Variants in TBC1D30 observed in about 807,000 individuals in gnomAD.
TBC1D30 encodes the protein TBC1 domain family, member 30.
Under a neutral mutation model 63.2 loss-of-function variants are expected in TBC1D30, and 31 were observed. The observed-to-expected ratio is 0.49, with a 90% CI of 0.37 to 0.66. The LOEUF is 0.66. Among genes scored for constraint, TBC1D30 ranks in the 30% least tolerant of loss-of-function variants. TBC1D30 has a pLI of 0.00. For synonymous variants in TBC1D30, 307 were observed against 361.5 expected (o/e 0.85, Z 1.71); for missense variants, 810 against 953.6 (o/e 0.85, Z 1.98).
chr12:64,799,977 G>T (rs986788283), intron 2 of TBC1D30, among the ~76,000 whole-genome samples: 15 of 152,270 alleles, frequency 9.9e-5, no homozygotes, highest in African/African-American at 3.4e-4. Flanking sequence ...GTAGTGGCAG[G>T]TGCCTGTAAT....
intron 1 of TBC1D30, among the ~76,000 whole-genome samples, chr12:64,826,703 A>T (rs561778443): frequency 6.6e-5 from 10 of 152,262 alleles, no homozygotes; most frequent in African/African-American, 2.2e-4. Flanking sequence ...CTATCCAGGC[A>T]GAGTATGGTT....
At chr12:64,767,489 G>A (rs1870753729) in intron 1 of TBC1D30, among the ~76,000 whole-genome samples, 1 of 152,082 alleles carries the variant, frequency 6.6e-6, no homozygotes, top group Non-Finnish European at 1.5e-5. Flanking sequence ...CACCGATTTG[G>A]TGAATGCATT....
intron 5 of TBC1D30, among the ~76,000 whole-genome samples, chr12:64,832,610 A>G (rs930379842): frequency 6.6e-6 from 1 of 152,256 alleles, no homozygotes; most frequent in African/African-American, 2.4e-5. Context: ...TAAAACAGCA[A>G]ATGTATTATC....
In TBC1D30 at chr12:64,860,059, A is replaced by G. The variant is rs575399286; in HGVS notation, c.1039-4609A>G. 1.5e-4 allele frequency among the ~76,000 whole-genome samples: 23 copies of G among 148,734 alleles called. No homozygotes were observed. The South Asian group carries it at 2.5e-3, about 16-fold the overall frequency. ...TTAAAACATGGTCTCACTTTGTCAC[A>G]TAGACTGGAGTGCAGTGGCATGAAC... On this transcript the variant is annotated intron_variant, in intron 8 of 11. Transcript: ENST00000539867.
At chr12:64,867,608 A>G (rs555605588) in intron 10 of TBC1D30, among the ~76,000 whole-genome samples, 1 of 152,256 alleles carries the variant, frequency 6.6e-6, no homozygotes, top group Admixed American at 6.5e-5. Context: ...ATTGGATTCA[A>G]CTTTGTATGC....
intron 2 of TBC1D30, among the ~76,000 whole-genome samples, 189 bp from the exon 3 acceptor site, chr12:64,828,255 C>A (rs1296852422): frequency 1.3e-5 from 2 of 152,146 alleles, no homozygotes; most frequent in African/African-American, 4.8e-5. Flanking sequence ...TAAGGGTGCC[C>A]AAGGGGTGGG....
chr12:64,846,039 AT>A (rs1322720180), intron 8 of TBC1D30, among the ~76,000 whole-genome samples: 2 of 151,854 alleles, frequency 1.3e-5, no homozygotes, highest in African/African-American at 4.8e-5. Context: ...TCTTTTGCCC[AT>A]TTTTAATCGA....
chr12:64,826,063 T>C (rs76619949), intron 1 of TBC1D30, among the ~76,000 whole-genome samples: 5,451 of 152,096 alleles, frequency 0.036, 321 homozygotes, highest in African/African-American at 0.12. Context: ...CCATCTTCCT[T>C]TACCTCTTTT....
chr12:64,854,251 G>A (rs760573988), intron 8 of TBC1D30, among the ~76,000 whole-genome samples: 1 of 151,780 alleles, frequency 6.6e-6, no homozygotes, highest in Non-Finnish European at 1.5e-5. Flanking sequence ...TGTATTGTAT[G>A]TTTTTTGATT....
intron 8 of TBC1D30, among the ~76,000 whole-genome samples, chr12:64,845,466 C>A (rs1876280821): frequency 6.6e-6 from 1 of 152,256 alleles, no homozygotes; most frequent in Admixed American, 6.5e-5. Context: ...GTGGCTCATG[C>A]CTGTAATCCC....
intron 11 of TBC1D30, among the ~76,000 whole-genome samples, chr12:64,874,236 C>A (rs751545920): frequency 3.9e-5 from 6 of 152,152 alleles, no homozygotes; most frequent in Non-Finnish European, 8.8e-5. Context: ...TACAGGCATG[C>A]ACCATCACAC....
chr12:64,765,437 C>T (rs1006193370), intron 1 of TBC1D30, among the ~76,000 whole-genome samples: 9 of 120,930 alleles, frequency 7.4e-5, no homozygotes, highest in Middle Eastern at 6.2e-3. Flanking sequence ...TGAAGTGAGC[C>T]GAGATTGCGC....
intron 1 of TBC1D30, among the ~76,000 whole-genome samples, chr12:64,765,619 A>G (rs1870684588): frequency 6.6e-6 from 1 of 151,680 alleles, no homozygotes; most frequent in South Asian, 2.1e-4. Context: ...GAAGAAGTTA[A>G]TAGATTAATG....
chr12:64,799,235 G>GT (rs1387472767), intron 2 of TBC1D30, among the ~76,000 whole-genome samples: 1 of 152,104 alleles, frequency 6.6e-6, no homozygotes, highest in Non-Finnish European at 1.5e-5. Flanking sequence ...TCAGATCCCA[G>GT]TTTTGCCACT....
intron 2 of TBC1D30, among the ~76,000 whole-genome samples, chr12:64,801,417 A>G (rs1359766027): frequency 2.0e-5 from 3 of 152,242 alleles, no homozygotes; most frequent in Non-Finnish European, 2.9e-5. Context: ...GAACAACAGT[A>G]CATATTTATA....
At chr12:64,792,145 A>G (rs1871961246) in intron 2 of TBC1D30, among the ~76,000 whole-genome samples, 2 of 152,216 alleles carry the variant, frequency 1.3e-5, no homozygotes, top group African/African-American at 4.8e-5. Context: ...TAAACAAGAG[A>G]ATGTAATACA....
At position 64,832,097 on chromosome 12, in the gene TBC1D30, ATAT is replaced by A. The variant is rs938250403; in HGVS notation, c.409-20_409-18del. ...AGAATATTAGGAGTTATTTTTGAAA[ATAT>A]TGTTTCCCTTCCATTTAGGACCTTC... is the stretch of plus-strand genomic sequence containing the variant. On this transcript the variant is annotated intron_variant, in intron 4 of 11. Transcript: ENST00000539867. 8 of 1,496,586 alleles carry A rather than the reference ATAT, an allele frequency of 5.3e-6. No individual in the cohort carries two copies. The highest frequency in any genetic ancestry group is 4.3e-5 in the Admixed American group (2 of 46,756). 92.7% of individuals were successfully genotyped at this position (1,496,586 alleles called of 1,614,324 possible).
intron 2 of TBC1D30, among the ~76,000 whole-genome samples, chr12:64,794,725 C>CAA (rs1872148572): frequency 6.6e-6 from 1 of 152,198 alleles, no homozygotes; most frequent in Admixed American, 6.5e-5. Flanking sequence ...AGGTGTGAGC[C>CAA]ACTGCACCTG....
chr12:64,798,843 C>T (rs10878209), intron 2 of TBC1D30, among the ~76,000 whole-genome samples: 79,724 of 139,866 alleles, frequency 0.57, 23,286 homozygotes, highest in East Asian at 0.9. Context: ...GACGGAGTCT[C>T]GCTCTGTCAC....
Sources: allele counts gnomAD v4.1 joint callset (sites outside exome capture counted in the v4.1 genomes callset), GRCh38; gene constraint gnomAD v4.1.1; transcripts MANE v1.5; gene names NCBI Gene and HGNC (gene_info 2026-07-23, HGNC 2026-07-21).